The following TARS3 variants were observed in gnomAD, a reference collection of about 807,000 sequenced individuals.
TARS3 encodes threonyl-tRNA synthetase 3.
In TARS3, 94 loss-of-function variants were observed where a neutral mutation model predicts 103.5. The observed-to-expected ratio is 0.91, with a 90% confidence interval of 0.77 to 1.08. TARS3 has a LOEUF of 1.08. TARS3 is among the 50% of genes least tolerant of loss of function. The pLI, the probability that TARS3 is intolerant of heterozygous loss-of-function variation, is 0.00. For missense variants in TARS3, 952 were observed against 995.2 expected, an observed-to-expected ratio of 0.96 and a Z score of 0.58; for synonymous variants, 416 against 355.4, an observed-to-expected ratio of 1.17 and a Z score of -1.92.
At chr15:101,701,708 T>C (rs1248484465) in intron 9 of TARS3, among the ~76,000 whole-genome samples, 1 of 152,078 alleles carries the variant, frequency 6.6e-6, no homozygotes, top group African/African-American at 2.4e-5. Context: ...CAGTCTGAGC[T>C]TTTCCTTCTA....
At chr15:101,723,312 G>C (rs1900586245) in intron 1 of TARS3, 148 bp from the exon 2 acceptor site, 4 of 662,320 alleles carry the variant, frequency 6.0e-6, no homozygotes, top group African/African-American at 5.4e-5. Flanking sequence ...CTCTCAGTGG[G>C]CAAGTCATTC....
At chr15:101,667,183 T>C (rs1341133466) in intron 15 of TARS3, among the ~76,000 whole-genome samples, 3 of 152,186 alleles carry the variant, frequency 2.0e-5, no homozygotes, top group Non-Finnish European at 4.4e-5. Context: ...CAGTAAATCA[T>C]GCTGTAAACA....
In TARS3 at chr15:101,654,744, AG is replaced by A; in HGVS notation, c.2261-15del. On this transcript the variant is annotated splice_polypyrimidine_tract_variant and intron_variant, in intron 18 of 18. Transcript: ENST00000335968. ...TTTCTCCAACCACTGCAGAAAAGAA[AG>A]GTAAAGAAATGTATTTTAAATCAGC... The A allele has an allele frequency of 6.2e-7, 1 of 1,610,992 alleles. No homozygotes were observed. Among genetic ancestry groups the A allele is most frequent in the Non-Finnish European group, 8.5e-7 (1 of 1,179,010 alleles).
At chr15:101,658,404 A>G (rs954567922) in intron 16 of TARS3, among the ~76,000 whole-genome samples, 17 of 152,182 alleles carry the variant, frequency 1.1e-4, no homozygotes, top group Admixed American at 3.3e-4. Flanking sequence ...GTGAAAAAAA[A>G]AAAGCCTACT....
intron 10 of TARS3, among the ~76,000 whole-genome samples, chr15:101,686,637 C>T (rs1361160168): frequency 1.3e-5 from 2 of 152,062 alleles, no homozygotes. Flanking sequence ...TTTATTTAAA[C>T]TTTCTTTAAA....
intron 5 of TARS3, among the ~76,000 whole-genome samples, chr15:101,710,390 A>G (rs911687822): frequency 6.6e-6 from 1 of 152,080 alleles, no homozygotes; most frequent in African/African-American, 2.4e-5. Flanking sequence ...GGTCATGGGA[A>G]CTCCCGATTT....
In TARS3 at chr15:101,724,108, G is replaced by T. The variant is rs781209411; in HGVS notation, c.280C>A (p.Gln94Lys). ...CCGGTTACCTGTGCGCCGGCCTCCT[G>T]CGCCGCCTCTAGCTCCGCGCTCTCC... ...TLESAELEAA[Q>K]EAGAQPPPSQ... is the part of the protein sequence containing the mutation. The change falls in exon 1 of 19, where the codon CAG (glutamine) becomes AAG (lysine). Residue 94 changes from glutamine (Q) to lysine (K), a missense_variant. Around this residue, in one of 2 missense-constraint regions of TARS3, gnomAD observed 412 missense variants for 364.2 expected, o/e 1.13. Coordinates refer to ENST00000335968, the MANE Select transcript of TARS3 (RefSeq NM_152334.3). 1 of 1,378,070 alleles carries T rather than the reference G, an allele frequency of 7.3e-7. No homozygotes were observed. Among genetic ancestry groups the T allele is most frequent in the Non-Finnish European group, 9.4e-7 (1 of 1,066,538 alleles). 85.4% of individuals were successfully genotyped at this position (1,378,070 alleles called of 1,614,324 possible). A position where few individuals can be genotyped will look rare whatever the true frequency, so the allele number is the denominator to read the frequency against.
intron 10 of TARS3, among the ~76,000 whole-genome samples, chr15:101,686,596 AAG>A (rs1567337274): frequency 6.6e-6 from 1 of 152,174 alleles, no homozygotes; most frequent in African/African-American, 2.4e-5. Context: ...GAGACAGGAG[AAG>A]AGAGTTTTTT....
intron 10 of TARS3, among the ~76,000 whole-genome samples, chr15:101,687,765 G>A (rs1898536567): frequency 6.6e-6 from 1 of 152,082 alleles, no homozygotes; most frequent in Admixed American, 6.5e-5. Context: ...TAGGAAGTAG[G>A]GCCTCTGACA....
intron 13 of TARS3, among the ~76,000 whole-genome samples, chr15:101,672,670 G>C (rs1283128360): frequency 6.6e-6 from 1 of 152,138 alleles, no homozygotes; most frequent in Non-Finnish European, 1.5e-5. Flanking sequence ...CTGATCTTGA[G>C]AGAGACGGAG....
intron 11 of TARS3, among the ~76,000 whole-genome samples, chr15:101,685,601 G>A (rs1429597270): frequency 6.6e-6 from 1 of 152,046 alleles, no homozygotes; most frequent in Non-Finnish European, 1.5e-5. Flanking sequence ...CATGTGAAGT[G>A]CATTACTATA....
intron 13 of TARS3, among the ~76,000 whole-genome samples, chr15:101,674,123 C>T (rs889242266): frequency 3.3e-5 from 5 of 152,218 alleles, no homozygotes; most frequent in Admixed American, 6.5e-5. Flanking sequence ...GGATGTGAAC[C>T]GTCCTTTCGT....
chr15:101,688,552 G>C (rs1368898027), intron 10 of TARS3, among the ~76,000 whole-genome samples: 1 of 152,082 alleles, frequency 6.6e-6, no homozygotes, highest in African/African-American at 2.4e-5. Flanking sequence ...TAGCTTCTAA[G>C]AATCAGTGTC....
chr15:101,693,551 G>A (rs1318491924), intron 10 of TARS3, among the ~76,000 whole-genome samples: 2 of 151,936 alleles, frequency 1.3e-5, no homozygotes, highest in East Asian at 3.9e-4. Context: ...CACACTCCTA[G>A]GTATTTACTC....
Position 101,671,599 on chromosome 15 carries a change from T to C in TARS3, c.1867-13A>G. 1 of 1,609,550 alleles carries C rather than the reference T, an allele frequency of 6.2e-7. No homozygotes were observed. Among genetic ancestry groups the C allele is most frequent in the Non-Finnish European group, 8.5e-7 (1 of 1,176,158 alleles). On this transcript the variant is annotated splice_polypyrimidine_tract_variant and intron_variant, in intron 14 of 18. Transcript: ENST00000335968. ...TTTTTATGTCAATCTACAAATTAAA[T>C]AATGTTTGCTCAGAAAAGAGTATTT...
chr15:101,668,194 C>T (rs1163707898), intron 15 of TARS3, among the ~76,000 whole-genome samples: 2 of 152,188 alleles, frequency 1.3e-5, no homozygotes, highest in African/African-American at 2.4e-5. Context: ...TTCAACAGTC[C>T]TTCCTCACCA....
At chr15:101,667,269 T>C (rs1328794665) in intron 15 of TARS3, among the ~76,000 whole-genome samples, 2 of 152,180 alleles carry the variant, frequency 1.3e-5, no homozygotes, top group Non-Finnish European at 2.9e-5. Context: ...TTCGTAAGGG[T>C]TCTAAGATTT....
intron 8 of TARS3, 23 bp from the exon 9 acceptor site, chr15:101,702,408 G>A (rs2141430827): frequency 1.2e-6 from 2 of 1,602,168 alleles, no homozygotes; most frequent in East Asian, 4.5e-5. Context: ...GAGGATTTTG[G>A]TAAATATATC....
Position 101,716,314 on chromosome 15 carries a change from C to A in TARS3, c.567-1351G>T, listed in dbSNP as rs55653250. On this transcript the variant is annotated intron_variant, in intron 3 of 18. Transcript: ENST00000335968. ...ACATTTATTGTTTGAAAATTGTTGA[C>A]AAAATTACAAGTTAAGAAAGGAAAC... 3.3e-5 allele frequency among the ~76,000 whole-genome samples: 5 copies of A among 151,788 alleles called. No individual in the cohort carries two copies. In the South Asian group the frequency reaches 1.0e-3, roughly 32 times the overall value.
Sources: allele counts gnomAD v4.1 joint callset (sites outside exome capture counted in the v4.1 genomes callset), GRCh38; gene constraint gnomAD v4.1.1; regional missense constraint gnomAD v4.1.1; transcripts MANE v1.5; gene names NCBI Gene and HGNC (gene_info 2026-07-23, HGNC 2026-07-21).